The following CIT variants were observed in gnomAD, a reference collection of about 807,000 sequenced individuals.
The protein encoded by CIT is citron Rho-interacting kinase.
A neutral mutation model predicts 272.7 loss-of-function variants in CIT; 79 were observed. That is an observed-to-expected ratio of 0.29 (90% confidence interval 0.24 to 0.35). The LOEUF (loss-of-function observed/expected upper bound fraction) is 0.35. Among genes scored for constraint, CIT ranks in the 10% least tolerant of loss-of-function variants. The pLI is 1.00. For synonymous variants in CIT, 948 were observed against 995.6 expected (o/e 0.95, Z 0.90); for missense variants, 1,909 against 2,618.3 (o/e 0.73, Z 5.91).
chr12:119,829,113 T>C (rs1968402156), intron 7 of CIT, among the ~76,000 whole-genome samples: 1 of 152,140 alleles, frequency 6.6e-6, no homozygotes, highest in South Asian at 2.1e-4. Flanking sequence ...AGAAAACCAA[T>C]GTCTTCCTCC....
At chr12:119,743,511 G>A (rs1241330412) in intron 23 of CIT, among the ~76,000 whole-genome samples, 1 of 152,126 alleles carries the variant, frequency 6.6e-6, no homozygotes, top group Non-Finnish European at 1.5e-5. Flanking sequence ...CATGACAAGT[G>A]GGGTTTTTTG....
chr12:119,760,247 A>C (rs906737891), intron 20 of CIT, among the ~76,000 whole-genome samples: 1 of 152,068 alleles, frequency 6.6e-6, no homozygotes, highest in African/African-American at 2.4e-5. Context: ...AGTGCAGATA[A>C]ATAAGCACCA....
chr12:119,723,778 G>A (rs1437733013), intron 28 of CIT, among the ~76,000 whole-genome samples: 1 of 152,178 alleles, frequency 6.6e-6, no homozygotes, highest in Non-Finnish European at 1.5e-5. Context: ...GGAAGGGCAG[G>A]TAGTGATTTA....
rs1288698792 is a variant in CIT, at chr12:119,690,701, G to A, written c.5883-247C>T. 6.6e-6 allele frequency among the ~76,000 whole-genome samples: 1 copy of A among 152,196 alleles called. No individual in the cohort carries two copies. The highest frequency in any genetic ancestry group is 2.4e-5 in the African/African-American group (1 of 41,462). The stretch of plus-strand genomic sequence containing the variant: ...CTTTCATTTACTGAGCACCTACTGT[G>A]TGCCAGGCCTGTGCTAAGTTCTTCA... On this transcript the variant is annotated intron_variant, in intron 46 of 47. Coordinates refer to ENST00000392521, the MANE Select transcript of CIT (RefSeq NM_001206999.2). The surrounding 1 kb of genome is among the most constrained non-coding windows in gnomAD (Gnocchi z 6.0).
intron 7 of CIT, among the ~76,000 whole-genome samples, chr12:119,831,154 G>A (rs6490271): frequency 0.16 from 24,072 of 152,030 alleles, 2,180 homozygotes; most frequent in East Asian, 0.41. Flanking sequence ...CACTACACCC[G>A]GCCCATATAA....
At chr12:119,775,282 T>A (rs999644494) in intron 16 of CIT, among the ~76,000 whole-genome samples, 3 of 151,922 alleles carry the variant, frequency 2.0e-5, no homozygotes, top group African/African-American at 4.8e-5. Flanking sequence ...CAAAAAAAAA[T>A]TTTTTTTAAT....
intron 10 of CIT, 112 bp downstream of exon 10, chr12:119,803,094 C>G: frequency 4.2e-6 from 3 of 718,088 alleles, no homozygotes; most frequent in Non-Finnish European, 6.3e-6. Flanking sequence ...TGACTAGCAG[C>G]TTCCCTCCAC....
intron 4 of CIT, 125 bp from the exon 5 acceptor site, chr12:119,850,400 G>A: frequency 2.4e-6 from 1 of 409,896 alleles, no homozygotes; most frequent in Non-Finnish European, 4.2e-6. Context: ...GCAAAGGAAA[G>A]AAGGGAAAAG....
rs1207159073 is a variant in CIT, at chr12:119,698,839, C to CT, written c.5624-786dup. On this transcript the variant is annotated intron_variant, in intron 44 of 47. Coordinates refer to ENST00000392521, the MANE Select transcript of CIT (RefSeq NM_001206999.2). ...TGGAAGGACAAGAAACTCATATGAG[C>CT]TTTTTTTTCTTTGGAGGAATAGCGA... Among the ~76,000 whole-genome samples the CT allele has an allele frequency of 6.6e-5, 10 of 152,122 alleles. No individual in the cohort carries two copies. In the East Asian group the frequency reaches 1.9e-3, roughly 29 times the overall value.
At chr12:119,709,643 A>C (rs1957050254) in intron 39 of CIT, among the ~76,000 whole-genome samples, 1 of 152,092 alleles carries the variant, frequency 6.6e-6, no homozygotes, top group Non-Finnish European at 1.5e-5. Context: ...AATGTCACTA[A>C]CACAGACAGA....
chr12:119,719,113 T>C, intron 30 of CIT: 1 of 441,376 alleles, frequency 2.3e-6, no homozygotes, highest in East Asian at 4.5e-5. Flanking sequence ...CCACCACCTC[T>C]TCCTCTAGCA....
chr12:119,799,206 G>C (rs1965985193), intron 10 of CIT, among the ~76,000 whole-genome samples: 1 of 152,170 alleles, frequency 6.6e-6, no homozygotes, highest in Non-Finnish European at 1.5e-5. Context: ...TTCTCTTGGT[G>C]TGTATAGGAG....
rs1400234569 is a variant in CIT at position 119,869,196 on chromosome 12, T to C, written c.102A>G (p.Lys34=). 2 of 1,597,528 alleles carry C rather than the reference T, an allele frequency of 1.3e-6. No homozygotes were observed. The highest frequency in any genetic ancestry group is 8.5e-7 in the Non-Finnish European group (1 of 1,175,954). ...ASRLNLFFQG[K]PPFMTQQQMS... is the part of the protein sequence containing the mutation. ...TCTGCTGTTGAGTCATAAAGGGTGGTTTCCCCTAAAAACAGCAAACAGCAG... is the reference window on the plus strand; with the variant it reads ...TCTGCTGTTGAGTCATAAAGGGTGGCTTCCCCTAAAAACAGCAAACAGCAG... The change falls in exon 3 of 48, where the codon AAA becomes AAG. Residue 34 remains lysine (K), a synonymous_variant. Coordinates refer to ENST00000392521, the MANE Select transcript of CIT (RefSeq NM_001206999.2).
intron 4 of CIT, 54 bp from the exon 5 acceptor site, chr12:119,850,329 G>A: frequency 3.6e-6 from 4 of 1,111,562 alleles, no homozygotes; most frequent in Admixed American, 2.0e-5. Context: ...AGAGGAAAAA[G>A]AAGCCTTTTC....
chr12:119,783,621 G>T, intron 12 of CIT: 1 of 258,690 alleles, frequency 3.9e-6, no homozygotes, highest in Non-Finnish European at 7.4e-6. Flanking sequence ...GAGATGTTAA[G>T]ATCTTTTGCA....
intron 37 of CIT, chr12:119,711,139 G>C (rs775080579): frequency 3.0e-6 from 4 of 1,354,634 alleles, no homozygotes; most frequent in Middle Eastern, 2.1e-4. Context: ...GCTCACGTGT[G>C]AAACGACCAA....
rs1011539884 is a variant in CIT at position 119,718,029 on chromosome 12, G to A, written c.4168+216C>T. ...CTAATTTTGCATTTTTAGTAGAGAC[G>A]GGGTTTCTCCATGTTGGTCAGGCTG... On this transcript the variant is annotated intron_variant, in intron 32 of 47. Transcript: ENST00000392521. The surrounding 1 kb of genome is among the most constrained non-coding windows in gnomAD (Gnocchi z 4.8). 2.7e-5 allele frequency among the ~76,000 whole-genome samples: 4 copies of A among 150,846 alleles called. No individual in the cohort carries two copies. The highest frequency in any genetic ancestry group is 3.9e-4 in the East Asian group (2 of 5,106).
At chr12:119,743,209 G>C (rs1053532861) in intron 23 of CIT, among the ~76,000 whole-genome samples, 18 of 150,548 alleles carry the variant, frequency 1.2e-4, no homozygotes, top group Admixed American at 8.0e-4. Flanking sequence ...ATGTTATAAA[G>C]AAAACAAATA....
intron 3 of CIT, among the ~76,000 whole-genome samples, chr12:119,862,751 A>T: frequency 7.5e-6 from 1 of 132,694 alleles, no homozygotes; most frequent in Non-Finnish European, 1.6e-5. Flanking sequence ...TGGAGGTTGC[A>T]GTGAGCCAAG....
Sources: allele counts gnomAD v4.1 joint callset (sites outside exome capture counted in the v4.1 genomes callset), GRCh38; gene constraint gnomAD v4.1.1; non-coding constraint Gnocchi (gnomAD v3.1); transcripts MANE v1.5; gene names NCBI Gene and HGNC (gene_info 2026-07-23, HGNC 2026-07-21).